The following ANO3 variants were observed in gnomAD, a reference collection of about 807,000 sequenced individuals.
ANO3 encodes anoctamin-3.
A neutral mutation model predicts 144.8 loss-of-function variants in ANO3; 99 were observed. The observed-to-expected ratio is 0.68, with a 90% CI of 0.58 to 0.81. ANO3 has a LOEUF of 0.81. Ranked by LOEUF, ANO3 falls within the 30% of genes least tolerant of loss-of-function variation. ANO3 has a pLI of 0.00. For missense variants in ANO3, 905 were observed against 1,202.2 expected (o/e 0.75, Z 3.66); for synonymous variants, 414 against 392.6 (o/e 1.05, Z -0.64).
chr11:26,250,267 T>C (rs1475375309), intron 1 of ANO3, among the ~76,000 whole-genome samples: 1 of 152,188 alleles, frequency 6.6e-6, no homozygotes, highest in African/African-American at 2.4e-5. Flanking sequence ...GTATTTTATG[T>C]TTTCCAGTTG....
rs1852670205 is a variant in ANO3, at chr11:26,241,862, T to C, written c.154+52532T>C. On this transcript the variant is annotated intron_variant, in intron 1 of 27. Coordinates refer to the ANO3 transcript ENST00000672621. ...GTTTCCTACCCAGGCAGTATCTGAATCCAGGGTCCAAACTTTTAATTACTC... is the reference window on the plus strand; with the variant it reads ...GTTTCCTACCCAGGCAGTATCTGAACCCAGGGTCCAAACTTTTAATTACTC... Among the ~76,000 whole-genome samples the C allele has an allele frequency of 2.0e-5, 3 of 152,146 alleles. No individual in the cohort carries two copies. The South Asian group carries it at 6.2e-4, about 32-fold the overall frequency.
At chr11:26,424,020 G>C (rs1388619036) in intron 1 of ANO3, among the ~76,000 whole-genome samples, 3 of 151,690 alleles carry the variant, frequency 2.0e-5, no homozygotes, top group African/African-American at 7.3e-5. Flanking sequence ...TTTAAGAATA[G>C]TGCATAAGAC....
intron 1 of ANO3, among the ~76,000 whole-genome samples, chr11:26,241,310 G>A (rs1290591713): frequency 6.6e-6 from 1 of 152,062 alleles, no homozygotes; most frequent in Non-Finnish European, 1.5e-5. Flanking sequence ...TCCTAGTAGT[G>A]GACATTTCTG....
chr11:26,376,363 A>G (rs1379699100), intron 1 of ANO3, among the ~76,000 whole-genome samples: 1 of 152,196 alleles, frequency 6.6e-6, no homozygotes, highest in Non-Finnish European at 1.5e-5. Flanking sequence ...AAATACTCAC[A>G]TCACAGGTAA....
intron 1 of ANO3, among the ~76,000 whole-genome samples, chr11:26,248,757 C>G (rs546430129): frequency 4.0e-4 from 61 of 152,080 alleles, no homozygotes; most frequent in African/African-American, 1.4e-3. Context: ...TTTGTTTTTG[C>G]CTTTATATCG....
chr11:26,624,985 C>A (rs569007394), intron 18 of ANO3, among the ~76,000 whole-genome samples: 1 of 151,330 alleles, frequency 6.6e-6, no homozygotes, highest in African/African-American at 2.4e-5. Flanking sequence ...GCGGTGGTGA[C>A]GCGATCTCGG....
intron 1 of ANO3, among the ~76,000 whole-genome samples, chr11:26,279,784 A>T (rs1317526474): frequency 6.6e-6 from 1 of 151,938 alleles, no homozygotes; most frequent in Non-Finnish European, 1.5e-5. Flanking sequence ...CAACTTCAAG[A>T]CTCCTTATTT....
intron 1 of ANO3, among the ~76,000 whole-genome samples, chr11:26,208,518 A>C (rs1317708409): frequency 6.6e-5 from 5 of 75,324 alleles, no homozygotes; most frequent in African/African-American, 1.7e-4. Context: ...GTCTCAAAAA[A>C]AAAAAAAAAG....
Position 26,591,685 on chromosome 11 carries a change from A to AG in ANO3, c.1448-6675dup, listed in dbSNP as rs1014470861. ...ATGGAGGAAGTGAAGTGAGAGTGAA[A>AG]GGGGGTAAGAGAACAGTAAAAAGAA... is the stretch of plus-strand genomic sequence containing the variant. On this transcript the variant is annotated intron_variant, in intron 14 of 26. Coordinates refer to ENST00000256737, the MANE Select transcript of ANO3 (RefSeq NM_031418.4). Among the ~76,000 whole-genome samples the AG allele has an allele frequency of 1.8e-4, 28 of 152,248 alleles. No individual in the cohort carries two copies. The South Asian group carries it at 3.5e-3, about 19-fold the overall frequency.
chr11:26,314,264 C>G (rs903698220), intron 1 of ANO3, among the ~76,000 whole-genome samples: 3 of 152,170 alleles, frequency 2.0e-5, no homozygotes, highest in Non-Finnish European at 4.4e-5. Flanking sequence ...TATCTGCATA[C>G]AAATCTTAGT....
At chr11:26,290,025 G>T (rs185908110) in intron 1 of ANO3, among the ~76,000 whole-genome samples, 1 of 151,944 alleles carries the variant, frequency 6.6e-6, no homozygotes, top group Non-Finnish European at 1.5e-5. Flanking sequence ...ATTCAGCTGC[G>T]AATCCATCTG....
chr11:26,518,806 G>T lies in ANO3; in HGVS notation c.692+1879G>T, dbSNP rs1415692726. 2.0e-5 allele frequency among the ~76,000 whole-genome samples: 3 copies of T among 151,756 alleles called. No individual in the cohort carries two copies. The East Asian group carries it at 5.8e-4, about 29-fold the overall frequency. On this transcript the variant is annotated intron_variant, in intron 6 of 26. Coordinates refer to ENST00000256737, the MANE Select transcript of ANO3 (RefSeq NM_031418.4). ...TAGCATATACAATTATTCATACAAGGTGATTTCATCATGTAAAATATATAG... is the reference window on the plus strand; with the variant it reads ...TAGCATATACAATTATTCATACAAGTTGATTTCATCATGTAAAATATATAG...
At chr11:26,562,342 A>G (rs1299063030) in intron 14 of ANO3, among the ~76,000 whole-genome samples, 1 of 151,960 alleles carries the variant, frequency 6.6e-6, no homozygotes, top group Non-Finnish European at 1.5e-5. Flanking sequence ...CAAATTCAGT[A>G]AGACTTCATC....
intron 1 of ANO3, among the ~76,000 whole-genome samples, chr11:26,267,701 T>A (rs1853345437): frequency 6.6e-6 from 1 of 152,188 alleles, no homozygotes; most frequent in Non-Finnish European, 1.5e-5. Flanking sequence ...TAAGTTAGAT[T>A]TATTGTGCAG....
At chr11:26,201,554 G>A (rs933619920) in intron 1 of ANO3, among the ~76,000 whole-genome samples, 2 of 151,924 alleles carry the variant, frequency 1.3e-5, no homozygotes, top group African/African-American at 4.8e-5. Context: ...ATAAACATAT[G>A]AAGAGCTGAC....
chr11:26,332,123 G>T (rs1855062037), upstream of ANO3: 1 of 1,491,062 alleles, frequency 6.7e-7, no homozygotes. Flanking sequence ...CGGCGGGCGC[G>T]TAGCCTGGAG....
intron 11 of ANO3, among the ~76,000 whole-genome samples, chr11:26,544,273 T>TATATATATACACACACACACAC: frequency 8.5e-5 from 5 of 58,564 alleles, no homozygotes; most frequent in Admixed American, 6.2e-4. Context: ...TATATATATA[T>TATATATATACACACACACACAC]ACACACATAC....
At chr11:26,264,005 C>A (rs968097793) in intron 1 of ANO3, among the ~76,000 whole-genome samples, 1 of 152,172 alleles carries the variant, frequency 6.6e-6, no homozygotes, top group African/African-American at 2.4e-5. Context: ...CACATTAGTT[C>A]TATATTCATC....
At chr11:26,319,211 A>G (rs376030833) in intron 1 of ANO3, among the ~76,000 whole-genome samples, 1 of 151,670 alleles carries the variant, frequency 6.6e-6, no homozygotes, top group South Asian at 2.1e-4. Flanking sequence ...GATGCCAGGG[A>G]TAGTCTGGAA....
Sources: allele counts gnomAD v4.1 joint callset (sites outside exome capture counted in the v4.1 genomes callset), GRCh38; gene constraint gnomAD v4.1.1; transcripts MANE v1.5; gene names NCBI Gene and HGNC (gene_info 2026-07-23, HGNC 2026-07-21).